The following ACOXL variants were observed in gnomAD, a reference collection of about 807,000 sequenced individuals.
The protein encoded by ACOXL is acyl-CoA oxidase like.
In ACOXL, 70 loss-of-function variants were observed where a neutral mutation model predicts 71.9. The observed-to-expected ratio is 0.97, with a 90% CI of 0.80 to 1.19. The LOEUF is 1.19. Among genes scored for constraint, ACOXL ranks in the 50% most tolerant of loss-of-function variants. The pLI is 0.00. For missense variants in ACOXL, 703 were observed against 736.3 expected (o/e 0.95, Z 0.52); for synonymous variants, 253 against 281.6 (o/e 0.90, Z 1.02).
intron 14 of ACOXL, among the ~76,000 whole-genome samples, chr2:111,001,535 C>T (rs2063629649): frequency 6.6e-6 from 1 of 152,218 alleles, no homozygotes; most frequent in African/African-American, 2.4e-5. Context: ...CCTGGGTGTG[C>T]ATAGGACTGT....
intron 1 of ACOXL, among the ~76,000 whole-genome samples, chr2:110,759,456 T>G (rs1363945935): frequency 6.6e-6 from 1 of 152,208 alleles, no homozygotes; most frequent in Non-Finnish European, 1.5e-5. Context: ...TTTATAATCT[T>G]TGTTGGTTGA....
At chr2:110,764,194 C>T (rs572520191) in intron 1 of ACOXL, among the ~76,000 whole-genome samples, 2 of 152,154 alleles carry the variant, frequency 1.3e-5, no homozygotes, top group African/African-American at 2.4e-5. Context: ...CTTACGTGCA[C>T]ACAGAAACCT....
chr2:110,878,435 C>G (rs976038661), intron 10 of ACOXL, among the ~76,000 whole-genome samples: 1 of 152,132 alleles, frequency 6.6e-6, no homozygotes, highest in Non-Finnish European at 1.5e-5. Flanking sequence ...AAAGAATGAA[C>G]AGCTTTAATG....
At chr2:110,900,064 A>G (rs2059164231) in intron 10 of ACOXL, among the ~76,000 whole-genome samples, 1 of 148,552 alleles carries the variant, frequency 6.7e-6, no homozygotes, top group Non-Finnish European at 1.5e-5. Context: ...GCTGTTAGAA[A>G]GCTTTTCAAC....
At chr2:110,981,147 G>A (rs1177514274) in intron 12 of ACOXL, among the ~76,000 whole-genome samples, 2 of 152,192 alleles carry the variant, frequency 1.3e-5, no homozygotes, top group Non-Finnish European at 2.9e-5. Flanking sequence ...TGGATCACTT[G>A]AGGTCAGGAG....
rs561281584 is a variant in ACOXL, at chr2:110,895,214, A to C, written c.789-13575A>C. Reference sequence around the variant, plus strand: ...AGAAAATATAAAGTCTAAGCAAACAAATAGAAGATATAAAGCAGAACCAAG... The same window carrying C: ...AGAAAATATAAAGTCTAAGCAAACACATAGAAGATATAAAGCAGAACCAAG... On this transcript the variant is annotated intron_variant, in intron 10 of 17. Transcript: ENST00000439055. Among the ~76,000 whole-genome samples, 10 of 152,324 alleles carry C rather than the reference A, an allele frequency of 6.6e-5. No homozygotes were observed. The East Asian group carries it at 1.9e-3, about 29-fold the overall frequency.
Position 111,019,500 on chromosome 2 carries a change from A to G in ACOXL, c.1282-12127A>G, listed in dbSNP as rs557196536. ...GAAGGAGGAGAAATTGGAAAGTAAT[A>G]TATTCAATTATAGAAGCCCTTTGCC... is the stretch of plus-strand genomic sequence containing the variant. On this transcript the variant is annotated intron_variant, in intron 14 of 17. Transcript: ENST00000439055. 2.6e-5 allele frequency among the ~76,000 whole-genome samples: 4 copies of G among 152,342 alleles called. No homozygotes were observed. In the East Asian group the frequency reaches 7.7e-4, roughly 29 times the overall value.
chr2:110,828,581 A>G (rs972257270), intron 9 of ACOXL, among the ~76,000 whole-genome samples: 5 of 152,214 alleles, frequency 3.3e-5, no homozygotes, highest in Admixed American at 3.3e-4. Context: ...ACAGAGTGTG[A>G]GCGTTGTACT....
intron 16 of ACOXL, among the ~76,000 whole-genome samples, chr2:111,049,979 C>T (rs938500756): frequency 6.6e-6 from 1 of 152,010 alleles, no homozygotes; most frequent in African/African-American, 2.4e-5. Context: ...GAGCAGTAAA[C>T]AGCAGCAGAT....
At chr2:111,112,584 T>A (rs992594085) in intron 17 of ACOXL, among the ~76,000 whole-genome samples, 6 of 152,240 alleles carry the variant, frequency 3.9e-5, no homozygotes. Flanking sequence ...GAGGAGGAGA[T>A]AAGCCAGGCC....
In ACOXL at chr2:111,002,900, A is replaced by AT. The variant is rs1203388741; in HGVS notation, c.1281+6900dup. 3.3e-5 allele frequency among the ~76,000 whole-genome samples: 5 copies of AT among 152,150 alleles called. No homozygotes were observed. In the East Asian group the frequency reaches 9.7e-4, roughly 29 times the overall value. The stretch of plus-strand genomic sequence containing the variant: ...TGAAATCCAAAATGCTCTAATGAAC[A>AT]TTTTCTTTCAGCATCATGTCAGTGC... On this transcript the variant is annotated intron_variant, in intron 14 of 17. Coordinates refer to ENST00000439055, the MANE Select transcript of ACOXL (RefSeq NM_001142807.4).
At chr2:110,850,796 C>T (rs560076344) in intron 10 of ACOXL, among the ~76,000 whole-genome samples, 3 of 152,270 alleles carry the variant, frequency 2.0e-5, no homozygotes, top group East Asian at 3.9e-4. Context: ...TTACCATAGA[C>T]CCAGAGATTA....
intron 12 of ACOXL, among the ~76,000 whole-genome samples, chr2:110,952,588 A>G (rs1368180890): frequency 1.3e-5 from 2 of 152,084 alleles, no homozygotes; most frequent in African/African-American, 2.4e-5. Context: ...CTGGTATTAC[A>G]GGTGTGTGCT....
intron 12 of ACOXL, among the ~76,000 whole-genome samples, chr2:110,959,707 T>C (rs558389398): frequency 1.3e-5 from 2 of 152,262 alleles, no homozygotes; most frequent in East Asian, 3.9e-4. Context: ...GAATGAGGGA[T>C]GCTGGGACAC....
intron 10 of ACOXL, among the ~76,000 whole-genome samples, chr2:110,866,595 AC>A (rs1441146639): frequency 6.6e-6 from 1 of 152,114 alleles, no homozygotes; most frequent in Admixed American, 6.5e-5. Context: ...GAGGGGAAAT[AC>A]AGGGGAGGCG....
At chr2:111,055,807 G>C (rs917877246) in intron 16 of ACOXL, among the ~76,000 whole-genome samples, 6 of 152,228 alleles carry the variant, frequency 3.9e-5, no homozygotes, top group African/African-American at 1.4e-4. Context: ...AAGAGTGGCA[G>C]AGTTCCCATA....
rs17041623 is a variant in ACOXL, at chr2:110,928,480, C to T, written c.906-5009C>T. Among the ~76,000 whole-genome samples, 485 of 152,246 alleles carry T rather than the reference C, an allele frequency of 3.2e-3. 3 individuals carry two copies. Among genetic ancestry groups the T allele is most frequent in the Middle Eastern group, 0.014 (4 of 294 alleles). Reference sequence around the variant, plus strand: ...AAATGAAGTTAAGGATAGTTAAGCACCTTAGACATTACTCATCCCTGCCAT... The same window carrying T: ...AAATGAAGTTAAGGATAGTTAAGCATCTTAGACATTACTCATCCCTGCCAT... On this transcript the variant is annotated intron_variant, in intron 11 of 17. Coordinates refer to ENST00000439055, the MANE Select transcript of ACOXL (RefSeq NM_001142807.4).
intron 15 of ACOXL, among the ~76,000 whole-genome samples, chr2:111,048,343 T>C (rs1280263211): frequency 6.6e-6 from 1 of 152,244 alleles, no homozygotes; most frequent in Non-Finnish European, 1.5e-5. Context: ...TGAACGCAGC[T>C]TTGAGTATAG....
chr2:110,783,304 G>A (rs1197908605), intron 2 of ACOXL, among the ~76,000 whole-genome samples: 1 of 152,154 alleles, frequency 6.6e-6, no homozygotes, highest in African/African-American at 2.4e-5. Flanking sequence ...TTTATTATTT[G>A]TTGGTAATAA....
Sources: gnomAD v4.1 joint callset for allele counts (sites outside exome capture counted in the v4.1 genomes callset) on GRCh38, gnomAD v4.1.1 for gene constraint, MANE v1.5 for transcripts, NCBI Gene and HGNC (gene_info 2026-07-23, HGNC 2026-07-21) for gene names.